CUX1: variants seen among roughly 807,000 people sequenced by gnomAD.
The protein encoded by CUX1 is protein CASP.
CUX1 carries 31 observed loss-of-function variants against 158.8 expected under a neutral mutation model. The observed-to-expected ratio is 0.20, with a 90% CI of 0.15 to 0.26. The LOEUF is 0.26. CUX1 is among the 10% of genes least tolerant of loss of function. CUX1 has a pLI of 1.00. For synonymous variants in CUX1, 879 were observed against 862.1 expected (o/e 1.02, Z -0.34); for missense variants, 1,589 against 2,014.6 (o/e 0.79, Z 4.04).
intron 2 of CUX1, among the ~76,000 whole-genome samples, chr7:102,019,184 G>A (rs1038916212): frequency 4.8e-5 from 7 of 144,750 alleles, no homozygotes; most frequent in African/African-American, 1.0e-4. Flanking sequence ...AACCGCCCCC[G>A]CGCCCCCCTC....
intron 2 of CUX1, among the ~76,000 whole-genome samples, chr7:102,027,164 C>A (rs1820140222): frequency 6.6e-6 from 1 of 152,076 alleles, no homozygotes; most frequent in Non-Finnish European, 1.5e-5. Flanking sequence ...GTGGGCGGAT[C>A]ACCTGAGATT....
intron 1 of CUX1, among the ~76,000 whole-genome samples, chr7:101,881,996 A>G (rs1799758412): frequency 6.9e-6 from 1 of 145,294 alleles, no homozygotes; most frequent in African/African-American, 2.6e-5. Context: ...TTGGCAACAT[A>G]GTGAGACCTT....
At chr7:102,225,195 TTGGCATG>T (rs1295970436) in intron 20 of CUX1, among the ~76,000 whole-genome samples, 6 of 152,186 alleles carry the variant, frequency 3.9e-5, no homozygotes, top group Non-Finnish European at 5.9e-5. Context: ...AAAAACCGGT[TTGGCATG>T]TGTTTTTCTC....
chr7:102,044,645 T>G (rs1220710792), intron 3 of CUX1, among the ~76,000 whole-genome samples: 2 of 152,178 alleles, frequency 1.3e-5, no homozygotes, highest in African/African-American at 4.8e-5. Flanking sequence ...AGTGGTTACA[T>G]AAAACATTCT....
chr7:102,249,289 CCCCGCGGCCCAGACCCAG>C lies in CUX1; in HGVS notation c.*257_*274del, dbSNP rs1445441188. ...GGGCCGACCCTGCGGCCTCCACCAA[CCCCGCGGCCCAGACCCAG>C]CCCGCGGCCTGGACCCCTGGACCGC... On this transcript the variant is annotated 3_prime_UTR_variant, in exon 24 of 24. Transcript: ENST00000292535. 4.8e-6 allele frequency: 5 copies of C among 1,042,526 alleles called. No homozygotes were observed. Among genetic ancestry groups the C allele is most frequent in the Admixed American group, 1.1e-4 (2 of 17,764 alleles). 64.6% of individuals were successfully genotyped at this position (1,042,526 alleles called of 1,614,324 possible).
At chr7:101,963,062 AAAC>A (rs1247989893) in intron 2 of CUX1, among the ~76,000 whole-genome samples, 4 of 152,176 alleles carry the variant, frequency 2.6e-5, no homozygotes, top group Admixed American at 1.3e-4. Flanking sequence ...GTTGTAAAGT[AAAC>A]AACTTGTGCT....
intron 3 of CUX1, among the ~76,000 whole-genome samples, chr7:102,054,823 T>C (rs1330573198): frequency 1.3e-5 from 2 of 152,090 alleles, no homozygotes; most frequent in East Asian, 1.9e-4. Flanking sequence ...AGTTAAAGAT[T>C]AGCCAAGCAT....
At chr7:102,126,209 G>GTC (rs1832627698) in intron 8 of CUX1, among the ~76,000 whole-genome samples, 1 of 151,072 alleles carries the variant, frequency 6.6e-6, no homozygotes. Flanking sequence ...GTGTGTGTGT[G>GTC]TGTATTTTTT....
At chr7:101,999,590 G>A (rs538231990) in intron 2 of CUX1, among the ~76,000 whole-genome samples, 3 of 152,282 alleles carry the variant, frequency 2.0e-5, no homozygotes, top group Non-Finnish European at 2.9e-5. Flanking sequence ...GTGTCTGAGC[G>A]CTGCTTCTGC....
intron 2 of CUX1, among the ~76,000 whole-genome samples, chr7:101,988,652 G>A (rs1814660337): frequency 6.6e-6 from 1 of 152,098 alleles, no homozygotes; most frequent in Admixed American, 6.6e-5. Context: ...CATTTGGAAA[G>A]AGGCCTCCAT....
chr7:102,167,187 C>G (rs376244), intron 9 of CUX1, among the ~76,000 whole-genome samples: 78,438 of 151,192 alleles, frequency 0.52, 22,283 homozygotes, highest in African/African-American at 0.74. Flanking sequence ...AGAATCACTT[C>G]ATCCTGGGAG....
intron 2 of CUX1, among the ~76,000 whole-genome samples, chr7:101,981,357 A>G (rs1813421875): frequency 6.6e-6 from 1 of 152,196 alleles, no homozygotes; most frequent in Non-Finnish European, 1.5e-5. Flanking sequence ...TGTGAATGAA[A>G]GAGTGGCTGG....
chr7:101,934,651 C>A (rs1476482951), intron 2 of CUX1, among the ~76,000 whole-genome samples: 2 of 152,170 alleles, frequency 1.3e-5, no homozygotes, highest in Non-Finnish European at 2.9e-5. Flanking sequence ...CCGCTCCGTC[C>A]ACGTCCTGTC....
chr7:102,210,026 T>C (rs1018736418), intron 20 of CUX1, among the ~76,000 whole-genome samples: 1 of 152,072 alleles, frequency 6.6e-6, no homozygotes, highest in Non-Finnish European at 1.5e-5. Flanking sequence ...AGCTGGGACT[T>C]ATAGACACTT....
At chr7:102,267,392 G>A (rs1790887760) in intron 14 of CUX1, among the ~76,000 whole-genome samples, 2 of 152,002 alleles carry the variant, frequency 1.3e-5, no homozygotes, top group Admixed American at 6.6e-5. Context: ...AAATTAGCCA[G>A]GCATGGTGGT....
intron 1 of CUX1, among the ~76,000 whole-genome samples, chr7:101,837,635 C>G (rs1244237455): frequency 1.3e-5 from 2 of 151,656 alleles, no homozygotes; most frequent in Non-Finnish European, 2.9e-5. Flanking sequence ...TCAAGACCAG[C>G]CTGGGCAACA....
rs10589615 is a variant in CUX1, at chr7:101,893,158, CTTTTTTTT to C, written c.31-22937_31-22930del. ...TTCTTTTTACTTTTTATTTTTATTA[CTTTTTTTT>C]TTTTTTTTTTTTTTTTTTTAAAATA... On this transcript the variant is annotated intron_variant, in intron 1 of 23. Coordinates refer to ENST00000292535, the MANE Select transcript of CUX1 (RefSeq NM_181552.4). 2.8e-4 allele frequency among the ~76,000 whole-genome samples: 18 copies of C among 64,952 alleles called. No homozygotes were observed. The South Asian group carries it at 5.8e-3, about 21-fold the overall frequency. 42.6% of individuals were successfully genotyped at this position (64,952 alleles called of 152,430 possible). A position where few individuals can be genotyped will look rare whatever the true frequency, so the allele number is the denominator to read the frequency against.
At chr7:101,942,900 C>A (rs1365306678) in intron 2 of CUX1, among the ~76,000 whole-genome samples, 1 of 152,140 alleles carries the variant, frequency 6.6e-6, no homozygotes, top group African/African-American at 2.4e-5. Flanking sequence ...ATCTTGGTTC[C>A]ATCGGCTGCT....
At chr7:101,934,134 A>G (rs1806636510) in intron 2 of CUX1, among the ~76,000 whole-genome samples, 1 of 152,210 alleles carries the variant, frequency 6.6e-6, no homozygotes, top group Non-Finnish European at 1.5e-5. Flanking sequence ...ACCTTAATAC[A>G]GTTGTCAGGA....
Sources: allele counts gnomAD v4.1 joint callset (sites outside exome capture counted in the v4.1 genomes callset), GRCh38; gene constraint gnomAD v4.1.1; transcripts MANE v1.5; gene names NCBI Gene and HGNC (gene_info 2026-07-23, HGNC 2026-07-21).